Variants in FAHD1 observed in about 807,000 individuals in gnomAD.
FAHD1 encodes FAH domain containing oxaloacetate decarboxylase 1, also known as oxaloacetate tautomerase FAHD1, mitochondrial.
In FAHD1, 14 loss-of-function variants were observed where a neutral mutation model predicts 12.7. The ratio of observed to expected loss-of-function variants is 1.10; its 90% CI spans 0.73 to 1.72. FAHD1 has a LOEUF of 1.72. FAHD1 is among the 40% of genes most tolerant of loss of function. The pLI, the probability that FAHD1 is intolerant of heterozygous loss-of-function variation, is 0.00. For synonymous variants in FAHD1, 153 were observed against 124.9 expected, an observed-to-expected ratio of 1.22 and a Z score of -1.50; for missense variants, 351 against 298.9, an observed-to-expected ratio of 1.17 and a Z score of -1.29.
At chr16:1,828,766 G>T (rs895767465) in exon 1 of FAHD1, 4 of 990,882 alleles carry the variant, frequency 4.0e-6, no homozygotes, top group Non-Finnish European at 4.9e-6. Context: ...GTACATAATC[G>T]GTTAATTTAA....
rs745502213 is a variant in FAHD1, at chr16:1,839,264, CAA to C, written c.*13_*14del. ...CCTTTTTGCTATTTACCGTGCAGCC[CAA>C]AGTCTCCTCAGCAACACTTCCTGTG... On this transcript the variant is annotated 3_prime_UTR_variant, in exon 3 of 3. Coordinates refer to the FAHD1 transcript ENST00000382666. 2.1e-4 allele frequency: 340 copies of C among 1,605,570 alleles called. No homozygotes were observed. Among genetic ancestry groups the C allele is most frequent in the Non-Finnish European group, 2.7e-4 (321 of 1,176,662 alleles).
chr16:1,834,343 C>A (rs1898681569), intron 1 of FAHD1: 2 of 1,610,166 alleles, frequency 1.2e-6, no homozygotes, highest in East Asian at 2.2e-5. Flanking sequence ...TCAATCCACT[C>A]CTTGCTCTGT....
At chr16:1,832,643 C>T (rs560319227), downstream of FAHD1, among the ~76,000 whole-genome samples, 134 of 152,102 alleles carry the variant, frequency 8.8e-4, no homozygotes, top group African/African-American at 2.7e-3. Flanking sequence ...TAAAATTAAC[C>T]GAGTAAGGTG....
chr16:1,827,876 C>T (rs752899746), exon 1 of FAHD1: 2 of 1,613,344 alleles, frequency 1.2e-6, no homozygotes, highest in Non-Finnish European at 1.7e-6. Context: ...GTCAGTATGA[C>T]ATTTAAAGTG....
chr16:1,835,415 A>AT lies in FAHD1; in HGVS notation c.628-2595dup, dbSNP rs1898716644. Among the ~76,000 whole-genome samples the AT allele has an allele frequency of 5.9e-5, 9 of 152,184 alleles. No homozygotes were observed. The South Asian group carries it at 1.9e-3, about 32-fold the overall frequency. On this transcript the variant is annotated intron_variant, in intron 1 of 2. Coordinates refer to the FAHD1 transcript ENST00000382666. ...ATAATAGTCTTATTTTAATAGTCTT[A>AT]TTTTTTATAATTTATACAGCACTTT...
Position 1,827,483 on chromosome 16 carries a change from T to A in FAHD1, c.245T>A (p.Val82Asp), listed in dbSNP as rs1567267441. The A allele has an allele frequency of 1.2e-6, 2 of 1,612,244 alleles. No individual in the cohort carries two copies. The highest frequency in any genetic ancestry group is 1.7e-6 in the Non-Finnish European group (2 of 1,179,394). ...GTGATGGGCAAGCGCTGCCGCGCAG[T>A]CCCCGAGGCTGCGGCCATGGACTAC... Residue 82 changes from valine to aspartate, a missense_variant, in exon 1 of 1, where the codon GTC becomes GAC. Val to Asp is a radical substitution (Grantham distance 152, BLOSUM62 -3). Coordinates refer to ENST00000427358, the Ensembl canonical transcript of FAHD1.
exon 3 of FAHD1, chr16:1,840,169 T>G (rs1010075708): frequency 2.6e-5 from 4 of 152,210 alleles, no homozygotes; most frequent in Admixed American, 2.6e-4. Context: ...TTTTAGATGC[T>G]TTTCCTCAGA....
At chr16:1,839,508 G>A (rs1434630396) in exon 3 of FAHD1, 2 of 1,390,914 alleles carry the variant, frequency 1.4e-6, no homozygotes, top group Non-Finnish European at 2.0e-6. Context: ...AGCAGAAAAA[G>A]AATTGTCACT....
chr16:1,828,410 T>C, exon 1 of FAHD1: 1 of 1,001,304 alleles, frequency 1.0e-6, no homozygotes, highest in East Asian at 1.1e-4. Flanking sequence ...GCAAGTAAAG[T>C]ATTTCTTCGG....
downstream of FAHD1, among the ~76,000 whole-genome samples, chr16:1,829,314 A>T (rs546498833): frequency 6.6e-6 from 1 of 152,320 alleles, no homozygotes; most frequent in African/African-American, 2.4e-5. Context: ...CACCATGCCA[A>T]GCAGTTTATT....
chr16:1,837,273 G>C (rs1004258920), intron 1 of FAHD1, among the ~76,000 whole-genome samples: 1 of 143,860 alleles, frequency 7.0e-6, no homozygotes, highest in Non-Finnish European at 1.5e-5. Flanking sequence ...CTGTCTCCCC[G>C]CAACAACCCA....
chr16:1,835,154 T>C (rs991305090), intron 1 of FAHD1, among the ~76,000 whole-genome samples: 1 of 151,796 alleles, frequency 6.6e-6, no homozygotes, highest in Admixed American at 6.6e-5. Flanking sequence ...ACTCGGTGGC[T>C]GAGGCGGGAG....
chr16:1,827,965 A>G, exon 1 of FAHD1: 1 of 1,567,732 alleles, frequency 6.4e-7, no homozygotes, highest in African/African-American at 1.4e-5. Context: ...AACGGCTATT[A>G]AATGTCACAA....
downstream of FAHD1, chr16:1,829,015 C>A (rs1346417166): frequency 1.4e-6 from 1 of 706,888 alleles, no homozygotes; most frequent in Non-Finnish European, 1.8e-6. Flanking sequence ...CTTCTGAGCA[C>A]TGTGCTGTGT....
At chr16:1,827,615 G>T (rs1344924078) in exon 1 of FAHD1, 1 of 1,613,926 alleles carries the variant, frequency 6.2e-7, no homozygotes, top group Non-Finnish European at 8.5e-7. Flanking sequence ...ACGGCGTCCT[G>T]CCCGGTCAGC....
chr16:1,831,420 G>GT (rs1345523716), downstream of FAHD1, among the ~76,000 whole-genome samples: 1 of 152,180 alleles, frequency 6.6e-6, no homozygotes, highest in Non-Finnish European at 1.5e-5. Context: ...CAGTCAGCTG[G>GT]TGAACCCAAG....
At chr16:1,839,568 G>GC in exon 3 of FAHD1, 4 of 784,364 alleles carry the variant, frequency 5.1e-6, no homozygotes, top group East Asian at 2.7e-5. Context: ...TCAGTGCTAT[G>GC]CGGTCTACAA....
rs182875865 is a variant in FAHD1 at position 1,827,789 on chromosome 16, T to C, written c.551T>C (p.Ile184Thr). 3.4e-5 allele frequency: 55 copies of C among 1,614,108 alleles called. No homozygotes were observed. The Admixed American group carries it at 8.8e-4, about 26-fold the overall frequency. The change falls in exon 1 of 1, where the codon ATT becomes ACT. Residue 184 changes from isoleucine to threonine, a missense_variant. Transcript: ENST00000427358. ...ATCATAACCTTGGAAGAAGGAGATATTATCTTGACTGGGACGCCAAAGGGA... is the reference window on the plus strand; with the variant it reads ...ATCATAACCTTGGAAGAAGGAGATACTATCTTGACTGGGACGCCAAAGGGA...
At chr16:1,838,077 G>A in exon 2 of FAHD1, 1 of 913,490 alleles carries the variant, frequency 1.1e-6, no homozygotes, top group Non-Finnish European at 1.6e-6. Context: ...GCTCACTGCA[G>A]CCTCGAACTC....
Sources: gnomAD v4.1 joint callset for allele counts (sites outside exome capture counted in the v4.1 genomes callset) on GRCh38, gnomAD v4.1.1 for gene constraint, MANE v1.5 for transcripts, NCBI Gene and HGNC (gene_info 2026-07-23, HGNC 2026-07-21) for gene names.